Variants in PAGE2B observed in about 807,000 individuals in gnomAD.
PAGE2B encodes the protein PAGE family member 2B.
PAGE2B carries 5 observed loss-of-function variants against 7.6 expected under a neutral mutation model. That is an observed-to-expected ratio of 0.66 (90% confidence interval 0.34 to 1.38). The LOEUF (loss-of-function observed/expected upper bound fraction) is 1.38. Among genes scored for constraint, PAGE2B ranks in the 40% most tolerant of loss-of-function variants. PAGE2B has a pLI of 0.04. For synonymous variants in PAGE2B, 29 were observed against 26.7 expected (o/e 1.09, Z -0.27); for missense variants, 70 against 78.4 (o/e 0.89, Z 0.41).
At chrX:55,052,602 C>T in the PAGE2B span, among the ~76,000 whole-genome samples, 48 of 112,899 alleles carry the variant, frequency 4.3e-4, no homozygotes, top group Non-Finnish European at 7.7e-4. Context: ...ATAGGACCCT[C>T]CAACTCAGGT....
At chrX:55,070,538 G>A (rs761293766), upstream of PAGE2B, among the ~76,000 whole-genome samples, 1 of 111,713 alleles carries the variant, frequency 9.0e-6, no homozygotes, top group Non-Finnish European at 1.9e-5. Context: ...TTCTGTAGAT[G>A]TCTGTTAGGT....
At chrX:55,050,928 T>C in the PAGE2B span, among the ~76,000 whole-genome samples, 64 of 111,916 alleles carry the variant, frequency 5.7e-4, no homozygotes, top group African/African-American at 2.0e-3. Flanking sequence ...ATTTGGCATG[T>C]TTTTGCATTG....
upstream of PAGE2B, among the ~76,000 whole-genome samples, chrX:55,070,686 C>G (rs1602273677): frequency 9.0e-6 from 1 of 111,598 alleles, no homozygotes; most frequent in African/African-American, 3.3e-5. Flanking sequence ...TTGTAGGTCT[C>G]TAAGAACTTG....
At chrX:55,041,568 T>C in the PAGE2B span, among the ~76,000 whole-genome samples, 3 of 112,000 alleles carry the variant, frequency 2.7e-5, no homozygotes, top group African/African-American at 9.7e-5. Flanking sequence ...AAAACCCAAC[T>C]GAATTGTTTT....
the PAGE2B span, among the ~76,000 whole-genome samples, chrX:55,048,838 C>T: frequency 3.6e-5 from 4 of 111,601 alleles, no homozygotes; most frequent in Middle Eastern, 4.6e-3. Flanking sequence ...ACTTCCAACA[C>T]TATGTTGAAT....
At chrX:55,031,676 G>A in the PAGE2B span, among the ~76,000 whole-genome samples, 1 of 111,543 alleles carries the variant, frequency 9.0e-6, no homozygotes, top group African/African-American at 3.3e-5. Context: ...TATGAACCTA[G>A]GCAATGTAGT....
the PAGE2B span, among the ~76,000 whole-genome samples, chrX:55,031,317 G>A: frequency 9.0e-6 from 1 of 111,449 alleles, no homozygotes; most frequent in Admixed American, 9.5e-5. Flanking sequence ...AGTGACTGTG[G>A]CACAAGTTGG....
At chrX:55,054,866 A>G in the PAGE2B span, 3 of 111,850 alleles carry the variant, frequency 2.7e-5, no homozygotes, top group African/African-American at 9.8e-5. Context: ...CGATATGCAC[A>G]AATCTGTGCA....
chrX:55,035,591 C>G, the PAGE2B span, among the ~76,000 whole-genome samples: 1 of 111,513 alleles, frequency 9.0e-6, no homozygotes. Context: ...AGATCTCATC[C>G]TGGTACTTGG....
chrX:55,057,893 T>C, the PAGE2B span, among the ~76,000 whole-genome samples: 16 of 112,062 alleles, frequency 1.4e-4, no homozygotes, highest in South Asian at 3.4e-3. Context: ...TAGCCAGTTA[T>C]TCCATTTCAC....
chrX:55,069,925 TTC>T, the PAGE2B span, among the ~76,000 whole-genome samples: 2 of 112,063 alleles, frequency 1.8e-5, no homozygotes, highest in African/African-American at 3.2e-5. Flanking sequence ...TATTTGATTC[TTC>T]TCTCTTTTCT....
chrX:55,054,181 C>A, the PAGE2B span, among the ~76,000 whole-genome samples: 1 of 110,517 alleles, frequency 9.0e-6, no homozygotes, highest in East Asian at 2.8e-4. Flanking sequence ...TGCACTCCAG[C>A]CTGGGCGACA....
chrX:55,072,927 C>T (rs1242247929), upstream of PAGE2B, among the ~76,000 whole-genome samples: 3 of 111,535 alleles, frequency 2.7e-5, no homozygotes, highest in East Asian at 8.5e-4. Flanking sequence ...CACCAAGCTC[C>T]GATAGTCCCA....
chrX:55,045,358 A>T, the PAGE2B span, among the ~76,000 whole-genome samples: 1 of 111,597 alleles, frequency 9.0e-6, no homozygotes. Flanking sequence ...AAGGAAACAC[A>T]TATCACGCTA....
the PAGE2B span, among the ~76,000 whole-genome samples, chrX:55,041,373 G>T: frequency 9.0e-6 from 1 of 111,034 alleles, no homozygotes; most frequent in African/African-American, 3.3e-5. Context: ...GAGCCACCGT[G>T]CCCGGCCTCA....
At chrX:55,051,366 A>AT in the PAGE2B span, among the ~76,000 whole-genome samples, 2 of 111,244 alleles carry the variant, frequency 1.8e-5, no homozygotes, top group Non-Finnish European at 3.8e-5. Context: ...GCCTTGCTAG[A>AT]TTGGGGAAGT....
the PAGE2B span, among the ~76,000 whole-genome samples, chrX:55,067,210 C>T: frequency 9.0e-6 from 1 of 110,540 alleles, no homozygotes; most frequent in Non-Finnish European, 1.9e-5. Flanking sequence ...TCCCCTAGCC[C>T]CCCACCCCTG....
chrX:55,051,752 G>A, the PAGE2B span, among the ~76,000 whole-genome samples: 3 of 110,739 alleles, frequency 2.7e-5, no homozygotes, highest in Non-Finnish European at 3.8e-5. Context: ...TCATTTGTTC[G>A]AACTTCCTCC....
At chrX:55,033,091 A>C in the PAGE2B span, among the ~76,000 whole-genome samples, 1 of 111,504 alleles carries the variant, frequency 9.0e-6, no homozygotes, top group Non-Finnish European at 1.9e-5. Flanking sequence ...CTCCCACATC[A>C]GACCTTGAGC....
Sources: allele counts gnomAD v4.1 joint callset (sites outside exome capture counted in the v4.1 genomes callset), GRCh38; gene constraint gnomAD v4.1.1; transcripts MANE v1.5; gene names NCBI Gene and HGNC (gene_info 2026-07-23, HGNC 2026-07-21).